GOLGA1: variants seen among roughly 807,000 people sequenced by gnomAD.
The protein encoded by GOLGA1 is golgin A1, also known as golgin subfamily A member 1.
Under a neutral mutation model 119.7 loss-of-function variants are expected in GOLGA1, and 63 were observed. The observed-to-expected ratio is 0.53, with a 90% CI of 0.43 to 0.65. The LOEUF is 0.65. Ranked by LOEUF, GOLGA1 falls within the 30% of genes least tolerant of loss-of-function variation. The pLI, the probability that GOLGA1 is intolerant of heterozygous loss-of-function variation, is 0.00. For missense variants in GOLGA1, 798 were observed against 912.8 expected (o/e 0.87, Z 1.62); for synonymous variants, 318 against 333.4 (o/e 0.95, Z 0.50).
At chr9:124,883,419 G>A (rs1338342501) in intron 19 of GOLGA1, among the ~76,000 whole-genome samples, 2 of 152,184 alleles carry the variant, frequency 1.3e-5, no homozygotes, top group Middle Eastern at 3.4e-3. Flanking sequence ...CCAAGTAGCT[G>A]GGATTACAGT....
intron 19 of GOLGA1, among the ~76,000 whole-genome samples, chr9:124,884,871 A>G (rs1300737599): frequency 6.6e-6 from 1 of 152,162 alleles, no homozygotes; most frequent in East Asian, 1.9e-4. Context: ...AACGGCAACA[A>G]AAAAGTCAAA....
chr9:124,928,056 C>G, intron 6 of GOLGA1, 132 bp downstream of exon 6: 1 of 512,848 alleles, frequency 1.9e-6, no homozygotes, highest in Non-Finnish European at 3.5e-6. Flanking sequence ...CCAAAGAAAA[C>G]CTTAACGAAC....
chr9:124,886,247 C>T (rs1006784190), intron 19 of GOLGA1, among the ~76,000 whole-genome samples: 2 of 152,110 alleles, frequency 1.3e-5, no homozygotes, highest in Non-Finnish European at 2.9e-5. Context: ...TGGCTGAGAT[C>T]GCAGAGGAGG....
upstream of GOLGA1, among the ~76,000 whole-genome samples, chr9:124,942,185 G>A (rs1366650259): frequency 6.6e-6 from 1 of 152,068 alleles, no homozygotes; most frequent in Non-Finnish European, 1.5e-5. Context: ...CAGGATAATC[G>A]CTTGAACCCG....
At chr9:124,887,718 C>A (rs911680380) in intron 19 of GOLGA1, among the ~76,000 whole-genome samples, 1 of 152,064 alleles carries the variant, frequency 6.6e-6, no homozygotes, top group African/African-American at 2.4e-5. Context: ...CTTTAAGAAC[C>A]AGGATTAAAT....
intron 10 of GOLGA1, among the ~76,000 whole-genome samples, chr9:124,919,934 T>A (rs1366683485): frequency 1.3e-5 from 2 of 151,272 alleles, no homozygotes; most frequent in East Asian, 3.9e-4. Flanking sequence ...TTTATTTTAT[T>A]TATATTTATT....
intron 11 of GOLGA1, 42 bp from the exon 12 acceptor site, chr9:124,908,514 A>G (rs1417687064): frequency 3.0e-6 from 3 of 992,054 alleles, no homozygotes; most frequent in South Asian, 1.3e-5. Flanking sequence ...ATCATTCCTC[A>G]GTTGAATAAA....
upstream of GOLGA1, chr9:124,944,519 G>C (rs182283227): frequency 8.6e-6 from 1 of 115,936 alleles, no homozygotes; most frequent in East Asian, 2.5e-4. Flanking sequence ...GGGTTTCACT[G>C]TATTGCCCAG....
At position 124,941,066 on chromosome 9, in the gene GOLGA1, G is replaced by C. The variant is rs544309175; in HGVS notation, c.-301C>G. Reference sequence around the variant, plus strand: ...ACCCCCACCGCCCAGCCGGCGAGCCGAGCAGCGACCCGGAACCGCACGTCT... The same window carrying C: ...ACCCCCACCGCCCAGCCGGCGAGCCCAGCAGCGACCCGGAACCGCACGTCT... On this transcript the variant is annotated 5_prime_UTR_variant, in exon 1 of 23. Coordinates refer to ENST00000373555, the MANE Select transcript of GOLGA1 (RefSeq NM_002077.4). 1.3e-5 allele frequency: 2 copies of C among 152,396 alleles called. No individual in the cohort carries two copies. Among genetic ancestry groups the C allele is most frequent in the East Asian group, 3.9e-4 (2 of 5,186 alleles). The allele number at this position is 152,396 out of a possible 1,614,324, so 9.4% of individuals were successfully genotyped here. A position where few individuals can be genotyped will look rare whatever the true frequency, so the allele number is the denominator to read the frequency against.
At chr9:124,927,916 A>G (rs1430624815) in intron 6 of GOLGA1, among the ~76,000 whole-genome samples, 1 of 152,214 alleles carries the variant, frequency 6.6e-6, no homozygotes, top group African/African-American at 2.4e-5. Context: ...GGGGCCTGCC[A>G]TCAGATTACA....
chr9:124,912,043 A>G lies in GOLGA1; in HGVS notation c.844-17T>C. On this transcript the variant is annotated splice_polypyrimidine_tract_variant and intron_variant, in intron 10 of 22. Coordinates refer to ENST00000373555, the MANE Select transcript of GOLGA1 (RefSeq NM_002077.4). The stretch of plus-strand genomic sequence containing the variant: ...AGCAGTGACCTGCAGGTGAAAGCAG[A>G]GATCACTCTATACTAGAAGCCCTCT... The G allele has an allele frequency of 6.2e-7, 1 of 1,610,976 alleles. No individual in the cohort carries two copies. The highest frequency in any genetic ancestry group is 8.5e-7 in the Non-Finnish European group (1 of 1,177,998).
intron 10 of GOLGA1, among the ~76,000 whole-genome samples, chr9:124,918,146 C>T (rs113191190): frequency 0.03 from 4,532 of 152,222 alleles, 234 homozygotes; most frequent in African/African-American, 0.1. Flanking sequence ...GCCACCAAGC[C>T]CAGCCCTGAT....
intron 19 of GOLGA1, among the ~76,000 whole-genome samples, chr9:124,886,217 G>A (rs1829716854): frequency 6.6e-6 from 1 of 152,206 alleles, no homozygotes; most frequent in African/African-American, 2.4e-5. Flanking sequence ...GGTAGGGAGG[G>A]GAGTCAGCTG....
chr9:124,938,757 C>A lies in GOLGA1; in HGVS notation c.-46G>T, dbSNP rs762984666. 8 of 1,552,922 alleles carry A rather than the reference C, an allele frequency of 5.2e-6. No individual in the cohort carries two copies. In the African/African-American group the frequency reaches 6.9e-5, roughly 13 times the overall value. On this transcript the variant is annotated 5_prime_UTR_variant, in exon 3 of 23. Transcript: ENST00000373555. ...GCACAGATGACGAGCTCTCAGTAGT[C>A]CTGGTGCCTGTGTTCAGGATTCAGA... is the stretch of plus-strand genomic sequence containing the variant.
rs1830729529 is a variant in GOLGA1 at position 124,929,285 on chromosome 9, C to T, written c.232G>A (p.Ala78Thr). The T allele has an allele frequency of 1.9e-6, 3 of 1,604,982 alleles. No homozygotes were observed. The South Asian group carries it at 3.3e-5, about 18-fold the overall frequency. The change falls in exon 5 of 23, where the codon GCT becomes ACT. Residue 78 changes from alanine (A) to threonine (T), a missense_variant. Coordinates refer to ENST00000373555, the MANE Select transcript of GOLGA1 (RefSeq NM_002077.4). ...TTCTGCAAGTTTCGGACCTGTTCAG[C>T]ATAGTCTTGGGTGAGGAGGGTGACG... The part of the protein sequence containing the change: ...RKLEARLSDY[A>T]EQVRNLQKIK...
chr9:124,898,767 A>T, intron 14 of GOLGA1, 123 bp from the exon 15 acceptor site: 1 of 648,406 alleles, frequency 1.5e-6, no homozygotes, highest in Non-Finnish European at 2.7e-6. Context: ...GCCAATGGGA[A>T]GAAGCAGAGG....
rs142948400 is a variant in GOLGA1 at position 124,921,169 on chromosome 9, A to G, written c.803T>C (p.Leu268Pro). 7 of 1,612,508 alleles carry G rather than the reference A, an allele frequency of 4.3e-6. No individual in the cohort carries two copies. Among genetic ancestry groups the G allele is most frequent in the Non-Finnish European group, 5.1e-6 (6 of 1,178,486 alleles). The change falls in exon 10 of 23, where the codon CTC (leucine) becomes CCC (proline). Residue 268 changes from leucine to proline, a missense_variant. By Grantham distance (98) the Leu-to-Pro change is moderately conservative. Transcript: ENST00000373555. ...GGAAAGCTGCTGAATGAGTGCTTGGAGCTCTTGTTCCTTTTGTTCCAGGGC... is the reference window on the plus strand; with the variant it reads ...GGAAAGCTGCTGAATGAGTGCTTGGGGCTCTTGTTCCTTTTGTTCCAGGGC... ...ITALEQKEQE[L>P]QALIQQLSID...
intron 12 of GOLGA1, among the ~76,000 whole-genome samples, chr9:124,900,850 GATT>G (rs1314920310): frequency 1.9e-4 from 29 of 152,014 alleles, no homozygotes; most frequent in Non-Finnish European, 3.5e-4. Context: ...TTAGACCTCA[GATT>G]ATTATTTCCT....
chr9:124,908,246 G>A (rs1326840436), intron 12 of GOLGA1, 131 bp downstream of exon 12: 5 of 665,804 alleles, frequency 7.5e-6, no homozygotes, highest in Non-Finnish European at 1.4e-5. Flanking sequence ...ACTCATCCCT[G>A]TATAGGTAAG....
Sources: allele counts gnomAD v4.1 joint callset (sites outside exome capture counted in the v4.1 genomes callset), GRCh38; gene constraint gnomAD v4.1.1; transcripts MANE v1.5; gene names NCBI Gene and HGNC (gene_info 2026-07-23, HGNC 2026-07-21).